Variants in KAZN observed in about 807,000 individuals in gnomAD.
KAZN encodes the protein kazrin, periplakin interacting protein.
KAZN carries 40 observed loss-of-function variants against 87.4 expected under a neutral mutation model. That is an observed-to-expected ratio of 0.46 (90% CI 0.36 to 0.60). The LOEUF (loss-of-function observed/expected upper bound fraction) is 0.60, where lower values mean the gene tolerates loss of function less well. KAZN is among the 20% of genes least tolerant of loss of function. The pLI is 0.00. For missense variants in KAZN, 898 were observed against 1,073.9 expected (o/e 0.84, Z 2.29); for synonymous variants, 466 against 458.3 (o/e 1.02, Z -0.22).
chr1:13,893,455 A>AT (rs1638914880), exon 1 of KAZN: 1 of 756,030 alleles, frequency 1.3e-6, no homozygotes. Context: ...ATAGGGTTTC[A>AT]TTTTTTACTT....
intron 2 of KAZN, among the ~76,000 whole-genome samples, chr1:14,313,022 TG>T (rs1655408405): frequency 6.6e-6 from 1 of 152,144 alleles, no homozygotes; most frequent in Non-Finnish European, 1.5e-5. Flanking sequence ...TACTACATTT[TG>T]GGGCAATTTG....
intron 2 of KAZN, among the ~76,000 whole-genome samples, chr1:14,552,728 T>C (rs1386894713): frequency 6.6e-6 from 1 of 152,198 alleles, no homozygotes; most frequent in Non-Finnish European, 1.5e-5. Flanking sequence ...ATAGTAATCA[T>C]AAAATACAGG....
At chr1:14,958,371 G>A (rs1354620974) in intron 1 of KAZN, among the ~76,000 whole-genome samples, 2 of 102,406 alleles carry the variant, frequency 2.0e-5, no homozygotes, top group Non-Finnish European at 5.0e-5. Context: ...GGTACATGGA[G>A]CACTTCTTAT....
chr1:14,011,988 A>G (rs1348587857), intron 1 of KAZN, among the ~76,000 whole-genome samples: 1 of 152,130 alleles, frequency 6.6e-6, no homozygotes, highest in Non-Finnish European at 1.5e-5. Flanking sequence ...GCTTCTCAGA[A>G]TGATTGAAGG....
At position 14,940,898 on chromosome 1, in the gene KAZN, CTTTTTTTTTTT is replaced by C. The variant is rs66777443; in HGVS notation, c.227-19765_227-19755del. Reference sequence around the variant, plus strand: ...ACCAGACAGATGTCATTCTACCTTTCTTTTTTTTTTTTTTTTTTTTTTTTTTTTTTTCTGAG... The same window carrying C: ...ACCAGACAGATGTCATTCTACCTTTCTTTTTTTTTTTTTTTTTTTTCTGAG... On this transcript the variant is annotated intron_variant, in intron 1 of 14. Transcript: ENST00000376030. Among the ~76,000 whole-genome samples the C allele has an allele frequency of 8.2e-3, 446 of 54,412 alleles. 3 individuals carry two copies. The highest frequency in any genetic ancestry group is 0.034 in the African/African-American group (405 of 12,030). The allele number at this position is 54,412 out of a possible 152,430, so 35.7% of individuals were successfully genotyped here.
chr1:14,019,571 C>T (rs2101242844), intron 1 of KAZN, among the ~76,000 whole-genome samples: 1 of 152,326 alleles, frequency 6.6e-6, no homozygotes, highest in South Asian at 2.1e-4. Flanking sequence ...GAACCTCCAC[C>T]TGCCAGCAGA....
chr1:14,026,799 C>T (rs1056181518), intron 1 of KAZN, among the ~76,000 whole-genome samples: 1 of 152,132 alleles, frequency 6.6e-6, no homozygotes, highest in African/African-American at 2.4e-5. Context: ...AGCTCACAGT[C>T]CAGGAGGGAA....
At chr1:14,724,122 C>CTACCAGTGA (rs1190926618) in intron 1 of KAZN, among the ~76,000 whole-genome samples, 1 of 152,168 alleles carries the variant, frequency 6.6e-6, no homozygotes. Context: ...GGGCAAGATG[C>CTACCAGTGA]TACCAGTGAT....
At chr1:14,713,775 CAAAAAAA>C (rs58947119) in intron 1 of KAZN, among the ~76,000 whole-genome samples, 76 of 94,598 alleles carry the variant, frequency 8.0e-4, no homozygotes, top group African/African-American at 9.9e-4. Flanking sequence ...CTCATCTCTA[CAAAAAAA>C]AAAAAAAAAA....
At chr1:14,546,638 T>C (rs1297225560) in intron 2 of KAZN, among the ~76,000 whole-genome samples, 5 of 152,194 alleles carry the variant, frequency 3.3e-5, no homozygotes, top group Non-Finnish European at 7.3e-5. Flanking sequence ...CAGAGGCCAC[T>C]AAACTGCTTT....
chr1:14,415,325 G>A (rs1423170153), intron 2 of KAZN, among the ~76,000 whole-genome samples: 3 of 152,162 alleles, frequency 2.0e-5, no homozygotes, highest in African/African-American at 7.2e-5. Context: ...TAGGGAAGAG[G>A]TTGAAGATGG....
At chr1:14,754,905 G>A (rs957987126) in intron 1 of KAZN, among the ~76,000 whole-genome samples, 1 of 151,958 alleles carries the variant, frequency 6.6e-6, no homozygotes, top group East Asian at 1.9e-4. Flanking sequence ...TACAAAATGA[G>A]AACAAAGACA....
At chr1:14,111,740 C>CTTTTTTTT (rs68167208) in intron 1 of KAZN, among the ~76,000 whole-genome samples, 1 of 80,788 alleles carries the variant, frequency 1.2e-5, no homozygotes, top group African/African-American at 5.3e-5. Context: ...AGATTCTTTT[C>CTTTTTTTT]TTTTTTTTTT....
At chr1:14,665,645 GT>G (rs2148724593) in intron 1 of KAZN, among the ~76,000 whole-genome samples, 1 of 152,116 alleles carries the variant, frequency 6.6e-6, no homozygotes, top group Non-Finnish European at 1.5e-5. Context: ...CAGTGTATCC[GT>G]TTCCCTGATA....
At chr1:14,477,146 A>G (rs958467469) in intron 2 of KAZN, among the ~76,000 whole-genome samples, 9 of 152,166 alleles carry the variant, frequency 5.9e-5, no homozygotes, top group Non-Finnish European at 1.2e-4. Context: ...TCATTAAATT[A>G]TGGGGGTGGG....
chr1:15,048,733 G>A (rs1405106557), intron 4 of KAZN, among the ~76,000 whole-genome samples: 1 of 148,260 alleles, frequency 6.7e-6, no homozygotes, highest in Non-Finnish European at 1.5e-5. Context: ...GTTGGTCATG[G>A]GTCGTCGATC....
chr1:13,923,528 G>A (rs1040182918), intron 1 of KAZN, among the ~76,000 whole-genome samples: 29 of 143,756 alleles, frequency 2.0e-4, no homozygotes, highest in African/African-American at 2.9e-4. Flanking sequence ...AGCCGAGATC[G>A]CGCCACTGCA....
intron 1 of KAZN, among the ~76,000 whole-genome samples, chr1:14,861,314 G>A (rs1358750677): frequency 6.6e-6 from 1 of 152,214 alleles, no homozygotes; most frequent in Non-Finnish European, 1.5e-5. Context: ...AGAAGGCAGA[G>A]GTTGCAGCGA....
intron 2 of KAZN, among the ~76,000 whole-genome samples, chr1:14,197,658 A>T (rs971550162): frequency 3.9e-5 from 6 of 152,208 alleles, no homozygotes; most frequent in African/African-American, 1.4e-4. Flanking sequence ...ACTACACTTC[A>T]GCCTGTGTGA....
Sources: gnomAD v4.1 joint callset for allele counts (sites outside exome capture counted in the v4.1 genomes callset) on GRCh38, gnomAD v4.1.1 for gene constraint, MANE v1.5 for transcripts, NCBI Gene and HGNC (gene_info 2026-07-23, HGNC 2026-07-21) for gene names.